The following PPP1R12B variants were observed in gnomAD, a reference collection of about 807,000 sequenced individuals.
The protein encoded by PPP1R12B is protein phosphatase 1 regulatory subunit 12B, also known as myosin phosphatase target subunit 2.
Under a neutral mutation model 126.1 loss-of-function variants are expected in PPP1R12B, and 76 were observed. That is an observed-to-expected ratio of 0.60 (90% confidence interval 0.50 to 0.73). The LOEUF is 0.73. Ranked by LOEUF, PPP1R12B falls within the 30% of genes least tolerant of loss-of-function variation. PPP1R12B has a pLI of 0.00. For synonymous variants in PPP1R12B, 356 were observed against 434.7 expected (o/e 0.82, Z 2.25); for missense variants, 1,052 against 1,205.1 (o/e 0.87, Z 1.88).
At position 202,569,195 on chromosome 1, in the gene PPP1R12B, A is replaced by C; in HGVS notation, c.2860A>C (p.Lys954Gln). ...AATGTCAGAAATGGAGGAAGAAATGAAGGTATGAAGAGATTTTCTTTCTTT... is the reference window on the plus strand; with the variant it reads ...AATGTCAGAAATGGAGGAAGAAATGCAGGTATGAAGAGATTTTCTTTCTTT... Reference protein sequence around the residue: ...RKMSEMEEEMKVLTELKSDNQ... With the variant: ...RKMSEMEEEMQVLTELKSDNQ... Residue 954 changes from lysine to glutamine, a missense_variant and splice_region_variant, in exon 23 of 24, where the codon AAG (lysine) becomes CAG (glutamine). Lys to Gln is a moderately conservative substitution (Grantham distance 53). Transcript: ENST00000608999. The C allele has an allele frequency of 6.2e-7, 1 of 1,612,918 alleles. No homozygotes were observed. The highest frequency in any genetic ancestry group is 1.1e-5 in the South Asian group (1 of 91,062).
At chr1:202,567,484 G>T in intron 21 of PPP1R12B, 1 of 361,294 alleles carries the variant, frequency 2.8e-6, no homozygotes, top group Non-Finnish European at 5.0e-6. Context: ...TTGAAGACCT[G>T]TGGAGAGAGA....
chr1:202,530,584 T>C (rs185502247), intron 18 of PPP1R12B, among the ~76,000 whole-genome samples: 33 of 152,310 alleles, frequency 2.2e-4, no homozygotes, highest in Non-Finnish European at 4.0e-4. Context: ...CTGAAATGAA[T>C]TTCTGAGACT....
At chr1:202,498,275 A>G (rs1380352486) in intron 18 of PPP1R12B, among the ~76,000 whole-genome samples, 1 of 152,180 alleles carries the variant, frequency 6.6e-6, no homozygotes, top group Non-Finnish European at 1.5e-5. Context: ...ACTAAAAAAT[A>G]CTCCACACAT....
chr1:202,382,429 AAT>A (rs1553269045), intron 1 of PPP1R12B, among the ~76,000 whole-genome samples: 1 of 150,702 alleles, frequency 6.6e-6, no homozygotes, highest in African/African-American at 2.4e-5. Context: ...TAATAAAAAA[AAT>A]ATATATATAA....
chr1:202,443,412 T>A (rs930073298), intron 12 of PPP1R12B, among the ~76,000 whole-genome samples: 22 of 152,248 alleles, frequency 1.4e-4, no homozygotes, highest in African/African-American at 4.8e-4. Flanking sequence ...CTAGACTAGA[T>A]GAACACATTA....
chr1:202,434,562 A>C, intron 8 of PPP1R12B, 94 bp from the exon 9 acceptor site: 2 of 1,468,646 alleles, frequency 1.4e-6, no homozygotes, highest in Non-Finnish European at 1.8e-6. Context: ...TGTTTTGATA[A>C]TGGGCAAATC....
intron 1 of PPP1R12B, chr1:202,410,024 CGATATACTCTG>C (rs1263898766): frequency 6.6e-6 from 1 of 152,002 alleles, no homozygotes; most frequent in Admixed American, 6.6e-5. Flanking sequence ...TAGGAGTTCT[CGATATACTCTG>C]GATATTAATC....
At chr1:202,399,619 C>T (rs1277780463) in intron 1 of PPP1R12B, among the ~76,000 whole-genome samples, 2 of 151,994 alleles carry the variant, frequency 1.3e-5, no homozygotes, top group Non-Finnish European at 2.9e-5. Context: ...GCCTCAGCCT[C>T]CTGAGTAGCT....
chr1:202,447,362 T>C (rs2148712179), intron 12 of PPP1R12B, among the ~76,000 whole-genome samples: 1 of 152,356 alleles, frequency 6.6e-6, no homozygotes, highest in East Asian at 1.9e-4. Context: ...TCAAAGCTCT[T>C]ACCTATTTTG....
At chr1:202,509,411 C>G (rs1424813261) in intron 18 of PPP1R12B, among the ~76,000 whole-genome samples, 1 of 152,122 alleles carries the variant, frequency 6.6e-6, no homozygotes, top group Non-Finnish European at 1.5e-5. Flanking sequence ...AGTTCATTAC[C>G]TTTTGAGGAG....
chr1:202,564,677 A>G (rs181468044), intron 21 of PPP1R12B, 130 bp downstream of exon 21: 13 of 623,098 alleles, frequency 2.1e-5, no homozygotes, highest in South Asian at 4.3e-5. Flanking sequence ...ATGAGATAGA[A>G]GCTTCTTAGA....
chr1:202,491,362 T>C (rs1678864148), intron 14 of PPP1R12B, among the ~76,000 whole-genome samples: 1 of 152,204 alleles, frequency 6.6e-6, no homozygotes, highest in Non-Finnish European at 1.5e-5. Context: ...TTAGCCAGGC[T>C]GGTCTTGAAC....
At chr1:202,478,744 G>GT (rs1676992757) in intron 13 of PPP1R12B, among the ~76,000 whole-genome samples, 1 of 152,002 alleles carries the variant, frequency 6.6e-6, no homozygotes, top group Non-Finnish European at 1.5e-5. Flanking sequence ...ATTTTTGTCT[G>GT]TTTTTTCCCC....
intron 23 of PPP1R12B, among the ~76,000 whole-genome samples, chr1:202,574,543 G>A (rs1688913959): frequency 6.6e-6 from 1 of 152,088 alleles, no homozygotes; most frequent in African/African-American, 2.4e-5. Context: ...TGAGTATGAG[G>A]GGAAGATTAG....
intron 18 of PPP1R12B, among the ~76,000 whole-genome samples, chr1:202,519,624 T>G (rs1479996653): frequency 6.6e-6 from 1 of 152,180 alleles, no homozygotes; most frequent in Non-Finnish European, 1.5e-5. Context: ...GGAACTCCAA[T>G]TTTATTCTTT....
intron 13 of PPP1R12B, among the ~76,000 whole-genome samples, chr1:202,463,347 A>G (rs1357528967): frequency 2.6e-5 from 4 of 152,356 alleles, no homozygotes; most frequent in Admixed American, 2.6e-4. Flanking sequence ...AAGAGTTTCA[A>G]GAAGTAGAAA....
At chr1:202,379,982 A>G (rs1250126884) in intron 1 of PPP1R12B, among the ~76,000 whole-genome samples, 1 of 152,200 alleles carries the variant, frequency 6.6e-6, no homozygotes, top group Non-Finnish European at 1.5e-5. Context: ...AGCCATTCAC[A>G]TGCAGAGTAA....
At chr1:202,359,995 T>G (rs1188954110) in intron 1 of PPP1R12B, among the ~76,000 whole-genome samples, 1 of 152,236 alleles carries the variant, frequency 6.6e-6, no homozygotes, top group African/African-American at 2.4e-5. Context: ...TATTTTAATC[T>G]ATGGTTTCCT....
chr1:202,427,116 T>G lies in PPP1R12B; in HGVS notation c.778T>G (p.Trp260Gly). ...GWTPLHAAAH[W>G]GVKEACSILA... ...GACTCCCCTCCATGCTGCTGCACACTGGGGAGTGAAGGAGGCTTGCTCCAT... is the reference window on the plus strand; with the variant it reads ...GACTCCCCTCCATGCTGCTGCACACGGGGGAGTGAAGGAGGCTTGCTCCAT... The change falls in exon 5 of 24, where the codon TGG becomes GGG. Residue 260 changes from tryptophan to glycine, a missense_variant. Trp to Gly is a radical substitution (Grantham distance 184). Coordinates refer to ENST00000608999, the MANE Select transcript of PPP1R12B (RefSeq NM_002481.4). 6.2e-7 allele frequency: 1 copy of G among 1,614,180 alleles called. No homozygotes were observed. Among genetic ancestry groups the G allele is most frequent in the Non-Finnish European group, 8.5e-7 (1 of 1,180,028 alleles).
Sources: gnomAD v4.1 joint callset for allele counts (sites outside exome capture counted in the v4.1 genomes callset) on GRCh38, gnomAD v4.1.1 for gene constraint, MANE v1.5 for transcripts, NCBI Gene and HGNC (gene_info 2026-07-23, HGNC 2026-07-21) for gene names.